AUTS2: variants seen among roughly 807,000 people sequenced by gnomAD.
The protein encoded by AUTS2 is autism susceptibility gene 2 protein.
AUTS2 carries 17 observed loss-of-function variants against 112.4 expected under a neutral mutation model. The ratio of observed to expected loss-of-function variants is 0.15; its 90% CI spans 0.10 to 0.23. AUTS2 has a LOEUF of 0.23. Ranked by LOEUF, AUTS2 falls within the 10% of genes least tolerant of loss-of-function variation. AUTS2 has a pLI of 1.00. For synonymous variants in AUTS2, 751 were observed against 702.7 expected, an observed-to-expected ratio of 1.07 and a Z score of -1.09; for missense variants, 1,510 against 1,701.6, an observed-to-expected ratio of 0.89 and a Z score of 1.98.
chr7:69,927,808 G>C (rs543651894), intron 2 of AUTS2, among the ~76,000 whole-genome samples: 83 of 152,366 alleles, frequency 5.4e-4, no homozygotes, highest in Middle Eastern at 3.4e-3. Context: ...GGCTTCCACT[G>C]TGGGCACCAA....
chr7:69,785,693 T>C (rs1329025209), intron 1 of AUTS2, among the ~76,000 whole-genome samples: 1 of 152,226 alleles, frequency 6.6e-6, no homozygotes, highest in Non-Finnish European at 1.5e-5. Context: ...TTATATTTGC[T>C]GTCAGTTTCT....
chr7:69,991,582 C>T (rs1414065954), intron 2 of AUTS2, among the ~76,000 whole-genome samples: 1 of 152,056 alleles, frequency 6.6e-6, no homozygotes, highest in Non-Finnish European at 1.5e-5. Flanking sequence ...ACTCAGGGAA[C>T]AATTATATGT....
intron 4 of AUTS2, among the ~76,000 whole-genome samples, chr7:70,409,353 G>GTGTA (rs1794678697): frequency 6.6e-6 from 1 of 152,120 alleles, no homozygotes; most frequent in Non-Finnish European, 1.5e-5. Context: ...ATGTGTGTGT[G>GTGTA]TGTATTTATG....
At chr7:70,753,386 G>T (rs1213922094) in intron 6 of AUTS2, among the ~76,000 whole-genome samples, 1 of 152,158 alleles carries the variant, frequency 6.6e-6, no homozygotes, top group Non-Finnish European at 1.5e-5. Context: ...AACATGACAA[G>T]CACAAAATAG....
intron 4 of AUTS2, among the ~76,000 whole-genome samples, chr7:70,254,230 T>C (rs1374815133): frequency 6.6e-6 from 1 of 152,224 alleles, no homozygotes; most frequent in Non-Finnish European, 1.5e-5. Flanking sequence ...CTCTGCAACC[T>C]GGAACAAAAT....
chr7:70,773,126 T>C (rs774622929), intron 11 of AUTS2, among the ~76,000 whole-genome samples: 2 of 152,194 alleles, frequency 1.3e-5, no homozygotes, highest in Non-Finnish European at 2.9e-5. Flanking sequence ...CCAGCTTAAT[T>C]GTTAGTTGTA....
chr7:70,672,834 C>G (rs1228537943), intron 5 of AUTS2, among the ~76,000 whole-genome samples: 4 of 152,154 alleles, frequency 2.6e-5, no homozygotes, highest in Non-Finnish European at 4.4e-5. Context: ...ATCTCCTGAC[C>G]TCGTGATCTG....
chr7:70,432,482 ACT>A (rs1225911328), intron 4 of AUTS2, among the ~76,000 whole-genome samples: 2 of 152,110 alleles, frequency 1.3e-5, no homozygotes, highest in East Asian at 3.9e-4. Flanking sequence ...ACCCACACTG[ACT>A]CTATAAAACA....
At chr7:70,709,067 G>T (rs542732878) in intron 6 of AUTS2, among the ~76,000 whole-genome samples, 1 of 151,666 alleles carries the variant, frequency 6.6e-6, no homozygotes, top group African/African-American at 2.4e-5. Context: ...ACAGGTGCCC[G>T]CCACCACGCC....
Position 70,273,911 on chromosome 7 carries a change from C to T in AUTS2, c.660+139340C>T, listed in dbSNP as rs559988073. 5.3e-5 allele frequency among the ~76,000 whole-genome samples: 8 copies of T among 152,254 alleles called. No individual in the cohort carries two copies. The East Asian group carries it at 1.5e-3, about 29-fold the overall frequency. Reference sequence around the variant, plus strand: ...ATAAGAGAAGATTTTAAAAATATTGCTCCATGTCTGTACTTGAATAAGATT... The same window carrying T: ...ATAAGAGAAGATTTTAAAAATATTGTTCCATGTCTGTACTTGAATAAGATT... On this transcript the variant is annotated intron_variant, in intron 4 of 18. Coordinates refer to ENST00000342771, the MANE Select transcript of AUTS2 (RefSeq NM_015570.4).
chr7:69,773,348 A>G (rs1370224942), intron 1 of AUTS2, among the ~76,000 whole-genome samples: 1 of 151,972 alleles, frequency 6.6e-6, no homozygotes, highest in Non-Finnish European at 1.5e-5. Flanking sequence ...GCGAAACACA[A>G]TACATGTATC....
intron 5 of AUTS2, among the ~76,000 whole-genome samples, chr7:70,655,595 G>T (rs1471283090): frequency 6.6e-6 from 1 of 152,284 alleles, no homozygotes; most frequent in South Asian, 2.1e-4. Context: ...TTTGAGCAGG[G>T]GACATTTTTC....
chr7:70,739,393 C>A (rs559971554), intron 6 of AUTS2, among the ~76,000 whole-genome samples: 1 of 149,280 alleles, frequency 6.7e-6, no homozygotes, highest in Non-Finnish European at 1.5e-5. Context: ...TTGCCCAGGC[C>A]CCTCTCAAAC....
At position 70,790,268 on chromosome 7, in the gene AUTS2, C is replaced by A; in HGVS notation, c.3052C>A (p.Pro1018Thr). 6.2e-6 allele frequency: 10 copies of A among 1,613,142 alleles called. No homozygotes were observed. Among genetic ancestry groups the A allele is most frequent in the Non-Finnish European group, 8.5e-6 (10 of 1,179,894 alleles). Residue 1018 changes from proline (P) to threonine (T), a missense_variant, in exon 19 of 19, where the codon CCC (proline) becomes ACC (threonine). Coordinates refer to ENST00000342771, the MANE Select transcript of AUTS2 (RefSeq NM_015570.4). The surrounding 1 kb of genome is among the most constrained non-coding windows in gnomAD (Gnocchi z 7.6). Reference protein sequence around the residue: ...PNSSSSVHPGPLASMPMTVGV... With the variant: ...PNSSSSVHPGTLASMPMTVGV... ...CTCCTCGTCCAGCGTGCACCCGGGG[C>A]CCCTGGCCTCGATGCCCATGACGGT...
intron 4 of AUTS2, among the ~76,000 whole-genome samples, chr7:70,223,936 G>A (rs1811618268): frequency 6.6e-6 from 1 of 150,468 alleles, no homozygotes; most frequent in African/African-American, 2.4e-5. Context: ...TGGGCTCAGT[G>A]GTCCTCTTAC....
At chr7:69,779,054 A>T (rs1428780772) in intron 1 of AUTS2, among the ~76,000 whole-genome samples, 14 of 140,982 alleles carry the variant, frequency 9.9e-5, no homozygotes, top group Admixed American at 8.6e-4. Context: ...TTTTTTTAAA[A>T]AAAAAAAAAA....
rs1018968486 is a variant in AUTS2, at chr7:70,081,965, T to TGTGTGCGC, written c.523-36166_523-36165insTGTGCGCG. Among the ~76,000 whole-genome samples, 535 of 128,090 alleles carry TGTGTGCGC rather than the reference T, an allele frequency of 4.2e-3. 2 individuals are homozygous for TGTGTGCGC. The highest frequency in any genetic ancestry group is 7.7e-3 in the African/African-American group (273 of 35,246). The allele number at this position is 128,090 out of a possible 152,430, so 84.0% of individuals were successfully genotyped here. On this transcript the variant is annotated intron_variant, in intron 2 of 18. Transcript: ENST00000342771. ...GTGTGTGTGTGTGTGTGTGTGTGTG[T>TGTGTGCGC]GCGCGCGCCTGTGTGTGTGTTTAAA... is the stretch of plus-strand genomic sequence containing the variant.
chr7:70,023,349 C>G (rs1800368144), intron 2 of AUTS2, among the ~76,000 whole-genome samples: 2 of 152,154 alleles, frequency 1.3e-5, no homozygotes, highest in African/African-American at 2.4e-5. Context: ...ACTGCCGTTC[C>G]TGGTGAATGT....
At chr7:70,096,553 C>T (rs929963069) in intron 2 of AUTS2, among the ~76,000 whole-genome samples, 3 of 146,626 alleles carry the variant, frequency 2.0e-5, no homozygotes, top group African/African-American at 2.5e-5. Flanking sequence ...GAGCCGAGAT[C>T]GCGCCATTGC....
Sources: gnomAD v4.1 joint callset for allele counts (sites outside exome capture counted in the v4.1 genomes callset) on GRCh38, gnomAD v4.1.1 for gene constraint, Gnocchi (gnomAD v3.1) non-coding constraint, MANE v1.5 for transcripts, NCBI Gene and HGNC (gene_info 2026-07-23, HGNC 2026-07-21) for gene names.